The following DLG2 variants were observed in gnomAD, a reference collection of about 807,000 sequenced individuals.
DLG2 encodes the protein discs large MAGUK scaffold protein 2.
In DLG2, 45 loss-of-function variants were observed where a neutral mutation model predicts 132.5. The observed-to-expected ratio is 0.34, with a 90% CI of 0.27 to 0.44. The LOEUF (loss-of-function observed/expected upper bound fraction) is 0.44. Ranked by LOEUF, DLG2 falls within the 20% of genes least tolerant of loss-of-function variation. The pLI, the probability that DLG2 is intolerant of heterozygous loss-of-function variation, is 1.00. For synonymous variants in DLG2, 424 were observed against 419.6 expected (o/e 1.01, Z -0.13); for missense variants, 1,045 against 1,196.9 (o/e 0.87, Z 1.87).
At chr11:83,474,147 C>A (rs909880945) in intron 22 of DLG2, among the ~76,000 whole-genome samples, 3 of 152,006 alleles carry the variant, frequency 2.0e-5, no homozygotes, top group Admixed American at 2.0e-4. Flanking sequence ...CATGGCCACC[C>A]CAGAAGTGTT....
intron 20 of DLG2, among the ~76,000 whole-genome samples, chr11:83,540,386 G>T (rs1014618535): frequency 6.6e-6 from 1 of 152,176 alleles, no homozygotes; most frequent in Non-Finnish European, 1.5e-5. Context: ...TTATCCAGGA[G>T]CCAAGAGGCT....
intron 3 of DLG2, among the ~76,000 whole-genome samples, chr11:85,426,562 G>C (rs1443085425): frequency 2.0e-5 from 3 of 150,684 alleles, no homozygotes; most frequent in African/African-American, 7.4e-5. Context: ...CTGCAGCTGA[G>C]GGTCCTGATT....
intron 3 of DLG2, among the ~76,000 whole-genome samples, chr11:85,592,485 C>T (rs1212352570): frequency 6.6e-6 from 1 of 152,156 alleles, no homozygotes; most frequent in Admixed American, 6.5e-5. Flanking sequence ...ATGCCTCTCT[C>T]ACATGGGCCA....
intron 6 of DLG2, among the ~76,000 whole-genome samples, chr11:84,969,910 C>T (rs2053833661): frequency 6.6e-6 from 1 of 152,090 alleles, no homozygotes; most frequent in African/African-American, 2.4e-5. Context: ...AGCAAACTAA[C>T]ACAGGAACAG....
At chr11:83,681,571 T>C (rs1346681284) in intron 18 of DLG2, among the ~76,000 whole-genome samples, 1 of 152,164 alleles carries the variant, frequency 6.6e-6, no homozygotes, top group Admixed American at 6.5e-5. Flanking sequence ...GCACGCCAAA[T>C]GCAAATCTCA....
chr11:84,987,955 A>G (rs75511498), intron 6 of DLG2, among the ~76,000 whole-genome samples: 1 of 152,222 alleles, frequency 6.6e-6, no homozygotes, highest in Non-Finnish European at 1.5e-5. Context: ...GCATGGCAAA[A>G]GGAATGGTCA....
Position 84,575,527 on chromosome 11 carries a change from T to A in DLG2, c.358-40796A>T, listed in dbSNP as rs145142054. Among the ~76,000 whole-genome samples the A allele has an allele frequency of 7.2e-5, 11 of 152,328 alleles. No homozygotes were observed. The East Asian group carries it at 2.1e-3, about 29-fold the overall frequency. Reference sequence around the variant, plus strand: ...CAAAGTTCCCTTGTAGCACTTTTCATGTTAAATGTATCTTTTAAGAAAATT... The same window carrying A: ...CAAAGTTCCCTTGTAGCACTTTTCAAGTTAAATGTATCTTTTAAGAAAATT... On this transcript the variant is annotated intron_variant, in intron 6 of 27. Coordinates refer to ENST00000376104, the MANE Select transcript of DLG2 (RefSeq NM_001142699.3).
intron 4 of DLG2, among the ~76,000 whole-genome samples, chr11:85,271,262 A>G (rs192313817): frequency 1.1e-3 from 169 of 152,366 alleles, no homozygotes; most frequent in Non-Finnish European, 2.2e-3. Flanking sequence ...CATTGAGCCT[A>G]TGGGTACACA....
intron 10 of DLG2, among the ~76,000 whole-genome samples, chr11:84,079,876 A>G (rs1169229923): frequency 6.6e-6 from 1 of 152,130 alleles, no homozygotes; most frequent in Non-Finnish European, 1.5e-5. Context: ...TTGGGCATGC[A>G]TTCTCTGCCT....
intron 9 of DLG2, among the ~76,000 whole-genome samples, chr11:84,127,831 G>C (rs1218215287): frequency 6.6e-6 from 1 of 151,942 alleles, no homozygotes; most frequent in Non-Finnish European, 1.5e-5. Context: ...ATTGGATTAG[G>C]GCCCACCCTA....
chr11:85,541,914 T>C (rs926117485), intron 3 of DLG2, among the ~76,000 whole-genome samples: 6 of 152,178 alleles, frequency 3.9e-5, no homozygotes, highest in African/African-American at 1.4e-4. Context: ...GTTATTCCTG[T>C]CTCTGCTTTT....
Position 84,278,922 on chromosome 11 carries a change from G to A in DLG2, c.520-27631C>T, listed in dbSNP as rs1277135288. On this transcript the variant is annotated intron_variant, in intron 7 of 27. Transcript: ENST00000376104. ...GGTGGATTGCTGAACCCATCAACCC[G>A]TCACAAAAACACCAAAAGTAATGGC... Among the ~76,000 whole-genome samples, 7 of 151,722 alleles carry A rather than the reference G, an allele frequency of 4.6e-5. No individual in the cohort carries two copies. In the East Asian group the frequency reaches 5.8e-4, roughly 13 times the overall value.
At chr11:83,837,884 T>G (rs1365842742) in intron 16 of DLG2, among the ~76,000 whole-genome samples, 1 of 152,132 alleles carries the variant, frequency 6.6e-6, no homozygotes, top group African/African-American at 2.4e-5. Context: ...TTTTGCTTTT[T>G]AAATAAGAGG....
At chr11:84,877,649 C>A (rs1218721955) in intron 6 of DLG2, among the ~76,000 whole-genome samples, 6 of 149,740 alleles carry the variant, frequency 4.0e-5, no homozygotes, top group African/African-American at 1.5e-4. Context: ...TGACTTTTTA[C>A]CGATTTGCCA....
intron 6 of DLG2, among the ~76,000 whole-genome samples, chr11:84,786,595 TC>T (rs2072937624): frequency 6.6e-6 from 1 of 152,116 alleles, no homozygotes; most frequent in African/African-American, 2.4e-5. Flanking sequence ...AACACTGGCT[TC>T]CCCCAAAAAA....
At chr11:83,885,733 G>C (rs563080922) in intron 15 of DLG2, among the ~76,000 whole-genome samples, 48 of 152,330 alleles carry the variant, frequency 3.2e-4, no homozygotes, top group Middle Eastern at 3.4e-3. Flanking sequence ...AAGCCCATCA[G>C]ACTAACAGCG....
chr11:83,839,993 C>G (rs1474962260), intron 16 of DLG2, among the ~76,000 whole-genome samples: 1 of 152,152 alleles, frequency 6.6e-6, no homozygotes, highest in East Asian at 1.9e-4. Context: ...AAATACAAAT[C>G]AGATCACCTT....
At chr11:84,132,100 A>G (rs2094444597) in intron 9 of DLG2, among the ~76,000 whole-genome samples, 1 of 151,950 alleles carries the variant, frequency 6.6e-6, no homozygotes, top group South Asian at 2.1e-4. Context: ...AACCCTTTCT[A>G]CATTCTAGAT....
chr11:84,695,813 A>G (rs998533709), intron 6 of DLG2, among the ~76,000 whole-genome samples: 2 of 151,488 alleles, frequency 1.3e-5, no homozygotes, highest in Non-Finnish European at 3.0e-5. Context: ...TAATACATGT[A>G]GGTGTTTTGG....
Sources: gnomAD v4.1 joint callset for allele counts (sites outside exome capture counted in the v4.1 genomes callset) on GRCh38, gnomAD v4.1.1 for gene constraint, MANE v1.5 for transcripts, NCBI Gene and HGNC (gene_info 2026-07-23, HGNC 2026-07-21) for gene names.